ANKRD36C: variants seen among roughly 807,000 people sequenced by gnomAD.
The protein encoded by ANKRD36C is ankyrin repeat domain 36C.
ANKRD36C carries 61 observed loss-of-function variants against 276.4 expected under a neutral mutation model. That is an observed-to-expected ratio of 0.22 (90% CI 0.18 to 0.27). ANKRD36C has a LOEUF of 0.27. Ranked by LOEUF, ANKRD36C falls within the 10% of genes least tolerant of loss-of-function variation. The pLI is 1.00. For synonymous variants in ANKRD36C, 483 were observed against 680.1 expected, an observed-to-expected ratio of 0.71 and a Z score of 4.51; for missense variants, 1,447 against 2,032.3, an observed-to-expected ratio of 0.71 and a Z score of 5.54.
At chr2:95,853,967 G>A in intron 63 of ANKRD36C, 106 bp from the exon 84 acceptor site, 1 of 1,371,860 alleles carries the variant, frequency 7.3e-7, no homozygotes, top group Non-Finnish European at 9.7e-7. Flanking sequence ...TCACCACACA[G>A]ACCGATTCAC....
Position 95,891,820 on chromosome 2 carries a change from C to T in ANKRD36C, c.2784+12G>A, listed in dbSNP as rs750721678. ...ATTTACTAGTTCACAATATAAATGA[C>T]AGTTTCATTACCTTCAAGCCTGATG... On this transcript the variant is annotated intron_variant, in intron 45 of 66. Transcript: ENST00000456556. The T allele has an allele frequency of 7.7e-6, 12 of 1,559,552 alleles. No individual in the cohort carries two copies. The highest frequency in any genetic ancestry group is 2.1e-4 in the Middle Eastern group (1 of 4,734).
chr2:95,927,468 C>T (rs114318519), intron 26 of ANKRD36C, 59 bp from the exon 27 acceptor site: 19 of 1,600,814 alleles, frequency 1.2e-5, no homozygotes, highest in Non-Finnish European at 1.6e-5. Context: ...TTTATCCATA[C>T]ATTCATGAAG....
At chr2:95,866,463 A>G (rs1361560856) in intron 60 of ANKRD36C, among the ~76,000 whole-genome samples, 1 of 152,144 alleles carries the variant, frequency 6.6e-6, no homozygotes, top group East Asian at 1.9e-4. Flanking sequence ...ACTTTTTTAT[A>G]TGCAGAAGAT....
chr2:95,969,216 C>G (rs1357413859), intron 6 of ANKRD36C, among the ~76,000 whole-genome samples: 1 of 152,164 alleles, frequency 6.6e-6, no homozygotes, highest in Non-Finnish European at 1.5e-5. Context: ...TGATGATGAG[C>G]CCCACCCTGA....
intron 6 of ANKRD36C, among the ~76,000 whole-genome samples, chr2:95,968,103 A>G (rs1164200379): frequency 6.6e-6 from 1 of 152,166 alleles, no homozygotes; most frequent in East Asian, 1.9e-4. Context: ...AAAGAAAAAA[A>G]AATCATGAAC....
chr2:95,914,592 A>G (rs1677035602), intron 38 of ANKRD36C, among the ~76,000 whole-genome samples: 1 of 151,496 alleles, frequency 6.6e-6, no homozygotes, highest in Non-Finnish European at 1.5e-5. Flanking sequence ...GGGTGATGAG[A>G]ACATATGTGA....
intron 61 of ANKRD36C, among the ~76,000 whole-genome samples, chr2:95,857,883 A>C (rs563344127): frequency 6.7e-6 from 1 of 149,338 alleles, no homozygotes; most frequent in East Asian, 1.9e-4. Context: ...AACATTTTAC[A>C]ATCTGCTGTC....
intron 59 of ANKRD36C, among the ~76,000 whole-genome samples, chr2:95,869,131 G>T (rs1273434023): frequency 1.3e-5 from 2 of 152,126 alleles, no homozygotes; most frequent in Non-Finnish European, 2.9e-5. Context: ...AAATAATCAA[G>T]TGTAAAAAGA....
intron 54 of ANKRD36C, among the ~76,000 whole-genome samples, 191 bp from the exon 75 acceptor site, chr2:95,882,688 G>A (rs1333724653): frequency 2.0e-5 from 3 of 152,090 alleles, no homozygotes; most frequent in Non-Finnish European, 4.4e-5. Context: ...CACGCTTCCA[G>A]AAAATATACA....
At chr2:95,917,296 C>T (rs1034212294) in intron 36 of ANKRD36C, among the ~76,000 whole-genome samples, 2 of 151,600 alleles carry the variant, frequency 1.3e-5, no homozygotes, top group Admixed American at 6.6e-5. Flanking sequence ...ATTCCAAATG[C>T]ATGTGAAGTG....
At chr2:95,973,521 G>C (rs188182039) in intron 6 of ANKRD36C, among the ~76,000 whole-genome samples, 4 of 152,074 alleles carry the variant, frequency 2.6e-5, no homozygotes, top group Non-Finnish European at 5.9e-5. Flanking sequence ...CTGTACTATC[G>C]ATCATAGAGC....
chr2:95,921,913 T>G (rs928857226), intron 32 of ANKRD36C, 103 bp from the exon 33 acceptor site: 1 of 1,227,558 alleles, frequency 8.1e-7, no homozygotes, highest in Non-Finnish European at 1.1e-6. Flanking sequence ...TGTATTAGTG[T>G]AGGCTTTGAT....
intron 10 of ANKRD36C, among the ~76,000 whole-genome samples, chr2:95,960,216 C>A (rs1440457355): frequency 6.6e-6 from 1 of 152,038 alleles, no homozygotes; most frequent in Non-Finnish European, 1.5e-5. Flanking sequence ...GTCCCCTCAG[C>A]CTGTTGTATC....
chr2:95,936,598 G>T (rs538892073), intron 22 of ANKRD36C, among the ~76,000 whole-genome samples: 1 of 151,820 alleles, frequency 6.6e-6, no homozygotes. Context: ...GAATATACCA[G>T]GTCCACATAA....
At chr2:95,938,603 A>G (rs1677783728) in intron 22 of ANKRD36C, among the ~76,000 whole-genome samples, 1 of 152,292 alleles carries the variant, frequency 6.6e-6, no homozygotes, top group South Asian at 2.1e-4. Context: ...TCTTTAAATG[A>G]TGACAACTTT....
chr2:95,940,205 G>A (rs900507073), intron 20 of ANKRD36C, among the ~76,000 whole-genome samples: 1 of 152,298 alleles, frequency 6.6e-6, no homozygotes, highest in African/African-American at 2.4e-5. Context: ...TGTATTTTTA[G>A]TAGAGATGGG....
intron 59 of ANKRD36C, among the ~76,000 whole-genome samples, chr2:95,869,692 C>A (rs1675759258): frequency 6.6e-6 from 1 of 152,170 alleles, no homozygotes; most frequent in Non-Finnish European, 1.5e-5. Flanking sequence ...CCGTGCGTGA[C>A]CCAAAGGAGG....
chr2:95,874,917 A>C (rs554513598), intron 59 of ANKRD36C, among the ~76,000 whole-genome samples: 1 of 152,370 alleles, frequency 6.6e-6, no homozygotes, highest in Non-Finnish European at 1.5e-5. Context: ...CAGCCAAAAA[A>C]CACATGAAAC....
At chr2:95,880,212 A>G (rs1015715603) in intron 58 of ANKRD36C, among the ~76,000 whole-genome samples, 2 of 152,166 alleles carry the variant, frequency 1.3e-5, no homozygotes, top group African/African-American at 4.8e-5. Context: ...AACAAAAAAC[A>G]AAACAAAACA....
Sources: allele counts gnomAD v4.1 joint callset (sites outside exome capture counted in the v4.1 genomes callset), GRCh38; gene constraint gnomAD v4.1.1; transcripts MANE v1.5; gene names NCBI Gene and HGNC (gene_info 2026-07-23, HGNC 2026-07-21).